The following DDI2 variants were observed in gnomAD, a reference collection of about 807,000 sequenced individuals.
DDI2 encodes the protein protein DDI1 homolog 2.
A neutral mutation model predicts 48.1 loss-of-function variants in DDI2; 5 were observed. That is an observed-to-expected ratio of 0.10 (90% CI 0.05 to 0.22). The LOEUF (loss-of-function observed/expected upper bound fraction) is 0.22. Among genes scored for constraint, DDI2 ranks in the 10% least tolerant of loss-of-function variants. The pLI, the probability that DDI2 is intolerant of heterozygous loss-of-function variation, is 1.00. For missense variants in DDI2, 285 were observed against 506.2 expected, an observed-to-expected ratio of 0.56 and a Z score of 4.19; for synonymous variants, 205 against 183.6, an observed-to-expected ratio of 1.12 and a Z score of -0.94.
intron 4 of DDI2, among the ~76,000 whole-genome samples, chr1:15,636,110 CTG>C (rs1220568444): frequency 2.0e-5 from 3 of 152,098 alleles, no homozygotes; most frequent in African/African-American, 7.2e-5. Context: ...AGAACAGAAA[CTG>C]TAGTTAGAGC....
intron 2 of DDI2, among the ~76,000 whole-genome samples, chr1:15,629,498 G>A (rs1285083264): frequency 6.6e-6 from 1 of 151,384 alleles, no homozygotes; most frequent in African/African-American, 2.4e-5. Context: ...TCGGGAGGCT[G>A]AGGCAGGAGA....
intron 5 of DDI2, 108 bp from the exon 6 acceptor site, chr1:15,643,414 C>T (rs759484018): frequency 4.7e-6 from 7 of 1,490,800 alleles, no homozygotes; most frequent in Non-Finnish European, 5.4e-6. Context: ...GAGACCAAAG[C>T]CTTGGGGTGT....
chr1:15,661,792 A>G lies in DDI2; in HGVS notation c.*2002A>G. On this transcript the variant is annotated 3_prime_UTR_variant, in exon 10 of 10. Transcript: ENST00000480945. The stretch of plus-strand genomic sequence containing the variant: ...AAGAAAGCTCTCTCTATATACACGC[A>G]CACATACACACTCACCACATATACA... 1.3e-6 allele frequency: 2 copies of G among 1,491,862 alleles called. No individual in the cohort carries two copies. Among genetic ancestry groups the G allele is most frequent in the South Asian group, 1.4e-5 (1 of 72,374 alleles). The allele number at this position is 1,491,862 out of a possible 1,614,324, so 92.4% of individuals were successfully genotyped here.
intron 4 of DDI2, chr1:15,634,341 G>C (rs534891326): frequency 7.2e-5 from 11 of 152,892 alleles, no homozygotes; most frequent in Non-Finnish European, 1.6e-4. Context: ...GTCAGTTTTT[G>C]TTGCTAATTG....
intron 5 of DDI2, among the ~76,000 whole-genome samples, chr1:15,643,184 G>A (rs909100374): frequency 1.3e-5 from 2 of 152,190 alleles, no homozygotes; most frequent in Non-Finnish European, 2.9e-5. Context: ...AGAGATACTC[G>A]GTAAGAAGTG....
intron 1 of DDI2, among the ~76,000 whole-genome samples, chr1:15,619,846 T>A (rs553595793): frequency 4.5e-4 from 69 of 152,204 alleles, no homozygotes; most frequent in African/African-American, 1.6e-3. Flanking sequence ...AAATGTAAAT[T>A]GATTTTGTTG....
intron 3 of DDI2, among the ~76,000 whole-genome samples, chr1:15,631,439 C>T (rs1323339224): frequency 3.3e-5 from 5 of 152,196 alleles, no homozygotes; most frequent in Admixed American, 2.6e-4. Context: ...CTTTATGAAT[C>T]GAGTTTTCTC....
chr1:15,648,119 T>G (rs540445055), intron 6 of DDI2, among the ~76,000 whole-genome samples: 3 of 152,336 alleles, frequency 2.0e-5, no homozygotes, highest in South Asian at 2.1e-4. Flanking sequence ...CTTATTGATT[T>G]GTGTAGGATA....
chr1:15,624,345 T>C (rs770799964), intron 1 of DDI2, among the ~76,000 whole-genome samples: 4 of 152,206 alleles, frequency 2.6e-5, no homozygotes, highest in Non-Finnish European at 5.9e-5. Context: ...CTCAGTTGTT[T>C]TGCTGAAATT....
rs78199183 is a variant in DDI2 at position 15,620,839 on chromosome 1, C to T, written c.138+3031C>T. 8.8e-3 allele frequency among the ~76,000 whole-genome samples: 1,334 copies of T among 152,156 alleles called. 19 individuals carry two copies. The highest frequency in any genetic ancestry group is 0.029 in the African/African-American group (1,222 of 41,498). The stretch of plus-strand genomic sequence containing the variant: ...ACACAAAATGGAGCTTAAGGAAGGA[C>T]GAACTAAAATAAATGGAAATGAAAA... On this transcript the variant is annotated intron_variant, in intron 1 of 9. Transcript: ENST00000480945.
At chr1:15,651,463 C>G (rs1320154232) in intron 7 of DDI2, among the ~76,000 whole-genome samples, 5 of 152,152 alleles carry the variant, frequency 3.3e-5, no homozygotes, top group African/African-American at 1.2e-4. Flanking sequence ...CGATTATGGG[C>G]ATGTGCCACC....
chr1:15,646,502 C>A (rs1456104963), intron 6 of DDI2, among the ~76,000 whole-genome samples: 6 of 152,256 alleles, frequency 3.9e-5, no homozygotes, highest in African/African-American at 1.4e-4. Context: ...GCCTGGCCAA[C>A]ATGGTGAAAC....
intron 9 of DDI2, among the ~76,000 whole-genome samples, chr1:15,658,691 T>G (rs1570992920): frequency 6.6e-6 from 1 of 151,090 alleles, no homozygotes; most frequent in Admixed American, 6.6e-5. Context: ...GAGGCGGAGG[T>G]TGCGGTGAGC....
intron 1 of DDI2, among the ~76,000 whole-genome samples, chr1:15,620,785 T>TACAC (rs1388624132): frequency 6.6e-6 from 1 of 152,212 alleles, no homozygotes; most frequent in African/African-American, 2.4e-5. Flanking sequence ...GCATATATAA[T>TACAC]ATGTTATCTG....
In DDI2 at chr1:15,664,923, T is replaced by C. The variant is rs1219116944; in HGVS notation, c.*5133T>C. ...CCTGTTCAGGGCTCCAGACAGCCAATAGCCTTCATCCCACAGTTTGGGCTT... is the reference window on the plus strand; with the variant it reads ...CCTGTTCAGGGCTCCAGACAGCCAACAGCCTTCATCCCACAGTTTGGGCTT... On this transcript the variant is annotated 3_prime_UTR_variant, in exon 10 of 10. Transcript: ENST00000480945. 3 of 152,216 alleles carry C rather than the reference T, an allele frequency of 2.0e-5. No individual in the cohort carries two copies. The highest frequency in any genetic ancestry group is 7.2e-5 in the African/African-American group (3 of 41,422). The allele number at this position is 152,216 out of a possible 1,614,324, so 9.4% of individuals were successfully genotyped here. A position where few individuals can be genotyped will look rare whatever the true frequency, so the allele number is the denominator to read the frequency against.
At position 15,656,630 on chromosome 1, in the gene DDI2, A is replaced by G. The variant is rs1640277348; in HGVS notation, c.1197A>G (p.Pro399=). The change falls in exon 9 of 10, where the codon CCA becomes CCG. Residue 399 remains proline, a synonymous_variant. Coordinates refer to ENST00000480945, the MANE Select transcript of DDI2 (RefSeq NM_032341.5). ...KSAEDAERQK[P] ...TAATTCACACAGAGCGTCAGAAGCC[A>G]TGATGCATGTAGTGTGTGTGTACTG... is the stretch of plus-strand genomic sequence containing the variant. 1 of 1,614,092 alleles carries G rather than the reference A, an allele frequency of 6.2e-7. No homozygotes were observed. Among genetic ancestry groups the G allele is most frequent in the Non-Finnish European group, 8.5e-7 (1 of 1,180,040 alleles).
At chr1:15,623,557 C>CTTATTATTATTATTATTATTATTATTA (rs202147595) in intron 1 of DDI2, among the ~76,000 whole-genome samples, 270 of 84,084 alleles carry the variant, frequency 3.2e-3, no homozygotes, top group African/African-American at 0.011. Context: ...CCATGCCTGG[C>CTTATTATTATTATTATTATTATTATTA]TTATTATTAT....
At position 15,661,347 on chromosome 1, in the gene DDI2, A is replaced by G. The variant is rs765462435; in HGVS notation, c.*1557A>G. ...ACTGCACCTTAGGTGTAGAAATTTC[A>G]CCCAAACTTTTAGCAGGTGAGGAGG... is the stretch of plus-strand genomic sequence containing the variant. On this transcript the variant is annotated 3_prime_UTR_variant, in exon 10 of 10. Coordinates refer to ENST00000480945, the MANE Select transcript of DDI2 (RefSeq NM_032341.5). 1.9e-6 allele frequency: 3 copies of G among 1,614,074 alleles called. No individual in the cohort carries two copies. The highest frequency in any genetic ancestry group is 2.5e-6 in the Non-Finnish European group (3 of 1,179,998).
Position 15,667,595 on chromosome 1 carries a change from C to G in DDI2, c.*7805C>G, listed in dbSNP as rs1640474025. 1 of 152,262 alleles carries G rather than the reference C, an allele frequency of 6.6e-6. No individual in the cohort carries two copies. Among genetic ancestry groups the G allele is most frequent in the East Asian group, 1.9e-4 (1 of 5,206 alleles). 9.4% of individuals were successfully genotyped at this position (152,262 alleles called of 1,614,324 possible). The stretch of plus-strand genomic sequence containing the variant: ...GGGAATCTAGAGCAGAACATGTAAT[C>G]AGCGATGGCTGGGATTGGTGGACAG... On this transcript the variant is annotated 3_prime_UTR_variant, in exon 10 of 10. Transcript: ENST00000480945.
Sources: gnomAD v4.1 joint callset for allele counts (sites outside exome capture counted in the v4.1 genomes callset) on GRCh38, gnomAD v4.1.1 for gene constraint, MANE v1.5 for transcripts, NCBI Gene and HGNC (gene_info 2026-07-23, HGNC 2026-07-21) for gene names.